DENND1A: variants seen among roughly 807,000 people sequenced by gnomAD.
The protein encoded by DENND1A is DENN domain containing 1A, also known as DENN domain-containing protein 1A.
DENND1A carries 51 observed loss-of-function variants against 113.7 expected under a neutral mutation model. The observed-to-expected ratio is 0.45, with a 90% confidence interval of 0.36 to 0.57. The LOEUF (loss-of-function observed/expected upper bound fraction) is 0.57, where lower values mean the gene tolerates loss of function less well. Ranked by LOEUF, DENND1A falls within the 20% of genes least tolerant of loss-of-function variation. The pLI, the probability that DENND1A is intolerant of heterozygous loss-of-function variation, is 0.00. For missense variants in DENND1A, 1,258 were observed against 1,395.9 expected, an observed-to-expected ratio of 0.90 and a Z score of 1.57; for synonymous variants, 565 against 570.8, an observed-to-expected ratio of 0.99 and a Z score of 0.14.
At chr9:123,443,784 A>G (rs1257320035) in intron 18 of DENND1A, among the ~76,000 whole-genome samples, 1 of 152,228 alleles carries the variant, frequency 6.6e-6, no homozygotes, top group East Asian at 1.9e-4. Flanking sequence ...GGGAAACCCC[A>G]TATCTACAAA....
In DENND1A at chr9:123,457,399, C is replaced by T. The variant is rs202131059; in HGVS notation, c.1135G>A (p.Glu379Lys). Residue 379 changes from glutamate (E) to lysine (K), a missense_variant, in exon 15 of 24, where the codon GAA becomes AAA. By Grantham distance (56) the Glu-to-Lys change is moderately conservative. Coordinates refer to ENST00000394215, the MANE Select transcript of DENND1A (RefSeq NM_001352964.2). ...DGRLDLLNSG[E>K]GFSDVFEEEI... ...TCTTCAAAAACATCACTGAAACCTT[C>T]GCCGGAATTGAGAAGATCTAATCGA... 43 of 1,614,026 alleles carry T rather than the reference C, an allele frequency of 2.7e-5. 1 individual carries two copies. In the East Asian group the frequency reaches 5.3e-4, roughly 20 times the overall value.
intron 5 of DENND1A, among the ~76,000 whole-genome samples, chr9:123,699,052 GT>G (rs1303086509): frequency 6.6e-6 from 1 of 152,130 alleles, no homozygotes; most frequent in East Asian, 1.9e-4. Flanking sequence ...AGACAGGCAT[GT>G]GACTTAACCC....
At chr9:123,761,721 A>G (rs1242716886) in intron 4 of DENND1A, among the ~76,000 whole-genome samples, 1 of 152,228 alleles carries the variant, frequency 6.6e-6, no homozygotes, top group Non-Finnish European at 1.5e-5. Context: ...TTCCTTGGAC[A>G]ATTTCCAATA....
intron 21 of DENND1A, chr9:123,401,983 A>G: frequency 3.1e-6 from 5 of 1,602,046 alleles, no homozygotes; most frequent in Non-Finnish European, 4.3e-6. Context: ...ATCCTGGTAC[A>G]GTGTCTAAAA....
chr9:123,872,843 T>A (rs1199062516), intron 2 of DENND1A, among the ~76,000 whole-genome samples: 1 of 152,212 alleles, frequency 6.6e-6, no homozygotes. Context: ...GAACAAAATG[T>A]ATACTAAATC....
In DENND1A at chr9:123,519,107, G is replaced by A. The variant is rs541941557; in HGVS notation, c.993+38463C>T. Among the ~76,000 whole-genome samples the A allele has an allele frequency of 5.9e-5, 9 of 152,274 alleles. No homozygotes were observed. In the South Asian group the frequency reaches 1.0e-3, roughly 18 times the overall value. ...ACATTTTCTCCCCTCCACCCAACAC[G>A]GATGGCTGATGTCAGCTCCAAGAGG... On this transcript the variant is annotated intron_variant, in intron 13 of 23. Coordinates refer to ENST00000394215, the MANE Select transcript of DENND1A (RefSeq NM_001352964.2).
intron 11 of DENND1A, among the ~76,000 whole-genome samples, chr9:123,586,524 C>T (rs1196053860): frequency 1.3e-5 from 2 of 152,180 alleles, no homozygotes. Context: ...ACCAAAATGC[C>T]CCGAGCACCA....
At chr9:123,652,938 C>A (rs1462304432) in intron 8 of DENND1A, among the ~76,000 whole-genome samples, 1 of 152,174 alleles carries the variant, frequency 6.6e-6, no homozygotes, top group African/African-American at 2.4e-5. Context: ...ACAACGCTTT[C>A]TATACCCACC....
chr9:123,727,108 A>G (rs1330126775), intron 5 of DENND1A, among the ~76,000 whole-genome samples: 1 of 152,188 alleles, frequency 6.6e-6, no homozygotes, highest in Non-Finnish European at 1.5e-5. Flanking sequence ...CCTTCTCTCT[A>G]CTTGGCTAGT....
At chr9:123,902,500 C>T (rs1410593753) in intron 1 of DENND1A, among the ~76,000 whole-genome samples, 1 of 152,128 alleles carries the variant, frequency 6.6e-6, no homozygotes, top group Non-Finnish European at 1.5e-5. Context: ...GACCATCACT[C>T]GCAAGCACAA....
intron 18 of DENND1A, among the ~76,000 whole-genome samples, chr9:123,444,646 A>G (rs917889646): frequency 2.6e-5 from 4 of 152,198 alleles, no homozygotes; most frequent in African/African-American, 9.6e-5. Context: ...CTCAAAAAAT[A>G]AAACAAAACA....
At chr9:123,476,866 C>T (rs1035805277) in intron 13 of DENND1A, among the ~76,000 whole-genome samples, 2 of 152,168 alleles carry the variant, frequency 1.3e-5, no homozygotes, top group African/African-American at 2.4e-5. Flanking sequence ...GGATTTAAAC[C>T]GAGGTGGTCA....
chr9:123,712,673 A>G (rs1333746286), intron 5 of DENND1A, among the ~76,000 whole-genome samples: 1 of 152,234 alleles, frequency 6.6e-6, no homozygotes, highest in East Asian at 1.9e-4. Context: ...TGCTTCTGTT[A>G]TAACAGTGGA....
At chr9:123,610,416 T>C (rs1475431404) in intron 10 of DENND1A, among the ~76,000 whole-genome samples, 1 of 152,238 alleles carries the variant, frequency 6.6e-6, no homozygotes, top group Non-Finnish European at 1.5e-5. Flanking sequence ...ACTTACCTAA[T>C]ACCACAAAAC....
chr9:123,574,142 G>T (rs2058504107), intron 12 of DENND1A, among the ~76,000 whole-genome samples: 3 of 140,084 alleles, frequency 2.1e-5, no homozygotes, highest in African/African-American at 5.3e-5. Flanking sequence ...TATTGTTAAA[G>T]ATTTTTGCAT....
chr9:123,801,620 C>T (rs995484821), intron 2 of DENND1A, among the ~76,000 whole-genome samples: 2 of 152,204 alleles, frequency 1.3e-5, no homozygotes, highest in Non-Finnish European at 2.9e-5. Context: ...CCTGCTTTCA[C>T]TTCTTTTGCA....
At chr9:123,645,013 T>C (rs897203223) in intron 9 of DENND1A, among the ~76,000 whole-genome samples, 1 of 152,178 alleles carries the variant, frequency 6.6e-6, no homozygotes, top group Non-Finnish European at 1.5e-5. Flanking sequence ...ACTGAAGTAT[T>C]TACATTAGAG....
rs1342134624 is a variant in DENND1A at position 123,710,999 on chromosome 9, CCTAT to C, written c.303-34214_303-34211del. Among the ~76,000 whole-genome samples the C allele has an allele frequency of 2.6e-5, 4 of 151,946 alleles. No homozygotes were observed. In the East Asian group the frequency reaches 7.7e-4, roughly 29 times the overall value. On this transcript the variant is annotated intron_variant, in intron 5 of 23. Transcript: ENST00000394215. Reference sequence around the variant, plus strand: ...GAAGAGATCTTTTTAATGTATTTCCCCTATCTATCTTGGATGAGTAATGTATATT... The same window carrying C: ...GAAGAGATCTTTTTAATGTATTTCCCCTATCTTGGATGAGTAATGTATATT...
chr9:123,875,228 C>CA (rs1053131821), intron 2 of DENND1A, among the ~76,000 whole-genome samples: 1 of 151,926 alleles, frequency 6.6e-6, no homozygotes, highest in African/African-American at 2.4e-5. Context: ...TGAAGAAAAA[C>CA]AAAGAGATGA....
Sources: gnomAD v4.1 joint callset for allele counts (sites outside exome capture counted in the v4.1 genomes callset) on GRCh38, gnomAD v4.1.1 for gene constraint, MANE v1.5 for transcripts, NCBI Gene and HGNC (gene_info 2026-07-23, HGNC 2026-07-21) for gene names.